IMMP2L: variants seen among roughly 807,000 people sequenced by gnomAD.
IMMP2L encodes the protein mitochondrial inner membrane protease subunit 2.
A neutral mutation model predicts 19.3 loss-of-function variants in IMMP2L; 18 were observed. The ratio of observed to expected loss-of-function variants is 0.93; its 90% confidence interval spans 0.64 to 1.38. IMMP2L has a LOEUF of 1.38. IMMP2L is among the 40% of genes most tolerant of loss of function. IMMP2L has a pLI of 0.00. For synonymous variants in IMMP2L, 76 were observed against 73.0 expected (o/e 1.04, Z -0.21); for missense variants, 233 against 218.2 (o/e 1.07, Z -0.43).
rs193113700 is a variant in IMMP2L at position 110,888,803 on chromosome 7, G to T, written c.306-2108C>A. ...TTGATATACATTTATGGGTTTGTTT[G>T]TTTATTTTTTATGTCCCTCCACTAG... On this transcript the variant is annotated intron_variant, in intron 4 of 5. Coordinates refer to ENST00000405709, the MANE Select transcript of IMMP2L (RefSeq NM_032549.4). Among the ~76,000 whole-genome samples, 357 of 152,096 alleles carry T rather than the reference G, an allele frequency of 2.3e-3. 1 individual carries two copies. The highest frequency in any genetic ancestry group is 8.4e-3 in the African/African-American group (347 of 41,514).
intron 3 of IMMP2L, among the ~76,000 whole-genome samples, chr7:110,997,585 T>C (rs1823178775): frequency 1.3e-5 from 2 of 152,142 alleles, no homozygotes; most frequent in Admixed American, 1.3e-4. Flanking sequence ...ATCTCATTGT[T>C]TTTAATTTGC....
chr7:110,832,373 A>T (rs1341035296), intron 5 of IMMP2L, among the ~76,000 whole-genome samples: 1 of 152,170 alleles, frequency 6.6e-6, no homozygotes, highest in Non-Finnish European at 1.5e-5. Flanking sequence ...GCTAAATAAC[A>T]TCTTAGCAAA....
At chr7:111,464,693 T>G (rs1385422749) in intron 3 of IMMP2L, among the ~76,000 whole-genome samples, 1 of 152,198 alleles carries the variant, frequency 6.6e-6, no homozygotes, top group Non-Finnish European at 1.5e-5. Context: ...ACCTACACAT[T>G]AAGTCACTCT....
rs190260132 is a variant in IMMP2L at position 111,191,038 on chromosome 7, C to A, written c.240-227473G>T. ...AGGAAAGAACTGACCACTGCAGTGG[C>A]AGATAAGAAGGCATCAAAGAGATAG... On this transcript the variant is annotated intron_variant, in intron 3 of 5. Coordinates refer to ENST00000405709, the MANE Select transcript of IMMP2L (RefSeq NM_032549.4). Among the ~76,000 whole-genome samples the A allele has an allele frequency of 1.4e-4, 22 of 152,156 alleles. No homozygotes were observed. In the East Asian group the frequency reaches 3.9e-3, roughly 27 times the overall value.
chr7:110,741,207 T>C (rs1399051852), intron 5 of IMMP2L, among the ~76,000 whole-genome samples: 1 of 152,196 alleles, frequency 6.6e-6, no homozygotes, highest in Non-Finnish European at 1.5e-5. Flanking sequence ...TTTGAAACTA[T>C]TATTCTAAGT....
intron 5 of IMMP2L, among the ~76,000 whole-genome samples, chr7:110,843,499 A>G (rs1243047189): frequency 1.3e-5 from 2 of 152,122 alleles, no homozygotes; most frequent in Non-Finnish European, 2.9e-5. Flanking sequence ...ATCCAAAGGT[A>G]TTTGGATAAA....
chr7:111,117,562 T>A (rs2129586245), intron 3 of IMMP2L, among the ~76,000 whole-genome samples: 1 of 152,216 alleles, frequency 6.6e-6, no homozygotes, highest in Non-Finnish European at 1.5e-5. Context: ...AAATAATTTG[T>A]TTTGAAAAAC....
At chr7:111,374,594 C>T (rs1830521243) in intron 3 of IMMP2L, among the ~76,000 whole-genome samples, 1 of 152,052 alleles carries the variant, frequency 6.6e-6, no homozygotes, top group Admixed American at 6.6e-5. Context: ...GCATTTTTCA[C>T]AGTATAAAGG....
chr7:110,850,165 T>C (rs1806057796), intron 5 of IMMP2L, among the ~76,000 whole-genome samples: 1 of 151,988 alleles, frequency 6.6e-6, no homozygotes, highest in African/African-American at 2.4e-5. Context: ...ATATCAGCAA[T>C]TAGGGTAGGA....
chr7:111,154,554 G>C (rs1207992120), intron 3 of IMMP2L, among the ~76,000 whole-genome samples: 1 of 152,056 alleles, frequency 6.6e-6, no homozygotes, highest in Non-Finnish European at 1.5e-5. Context: ...AAAGAAAATA[G>C]TGACGGAAAA....
intron 3 of IMMP2L, among the ~76,000 whole-genome samples, chr7:111,330,681 C>A (rs1335496626): frequency 6.6e-6 from 1 of 151,772 alleles, no homozygotes; most frequent in Non-Finnish European, 1.5e-5. Flanking sequence ...TCATATCCAA[C>A]AAGAGGTTAG....
intron 3 of IMMP2L, among the ~76,000 whole-genome samples, chr7:111,345,325 C>T (rs1038734498): frequency 9.9e-5 from 15 of 152,024 alleles, no homozygotes; most frequent in African/African-American, 3.4e-4. Flanking sequence ...TTCATTTCCT[C>T]TTGGTCACCT....
At chr7:111,256,672 A>C (rs904980843) in intron 3 of IMMP2L, among the ~76,000 whole-genome samples, 5 of 152,030 alleles carry the variant, frequency 3.3e-5, no homozygotes, top group African/African-American at 7.2e-5. Flanking sequence ...AATCGAGTAA[A>C]AGGGTTTTTC....
intron 3 of IMMP2L, among the ~76,000 whole-genome samples, chr7:111,158,093 C>G (rs1804843459): frequency 6.6e-6 from 1 of 151,864 alleles, no homozygotes; most frequent in Non-Finnish European, 1.5e-5. Context: ...GAGCTAGAAA[C>G]TCTCATCCCA....
chr7:110,918,496 C>T (rs1427937155), intron 4 of IMMP2L, among the ~76,000 whole-genome samples: 1 of 140,616 alleles, frequency 7.1e-6, no homozygotes, highest in African/African-American at 2.8e-5. Flanking sequence ...ACTCTTGTTG[C>T]CCAGGGTGGA....
chr7:110,874,900 C>G (rs1386959492), intron 5 of IMMP2L, among the ~76,000 whole-genome samples: 1 of 151,988 alleles, frequency 6.6e-6, no homozygotes, highest in Non-Finnish European at 1.5e-5. Context: ...ACTGCATCCT[C>G]TAGAGGAGAA....
rs559540585 is a variant in IMMP2L, at chr7:110,939,593, C to T, written c.305+23907G>A. On this transcript the variant is annotated intron_variant, in intron 4 of 5. Transcript: ENST00000405709. ...GAAGCTCCCCTTCCTGAACCTTCATCCCTAGGAAGGTAAGCCAAATGACTT... is the reference window on the plus strand; with the variant it reads ...GAAGCTCCCCTTCCTGAACCTTCATTCCTAGGAAGGTAAGCCAAATGACTT... 3.3e-5 allele frequency among the ~76,000 whole-genome samples: 5 copies of T among 152,238 alleles called. No individual in the cohort carries two copies. In the East Asian group the frequency reaches 9.7e-4, roughly 29 times the overall value.
chr7:110,790,789 GTTCCAAAA>G (rs1800411446), intron 5 of IMMP2L, among the ~76,000 whole-genome samples: 1 of 151,736 alleles, frequency 6.6e-6, no homozygotes, highest in South Asian at 2.1e-4. Context: ...TCAAACTAAA[GTTCCAAAA>G]TTCAGTGAGT....
At chr7:111,094,038 T>C (rs1797144004) in intron 3 of IMMP2L, among the ~76,000 whole-genome samples, 1 of 152,150 alleles carries the variant, frequency 6.6e-6, no homozygotes, top group South Asian at 2.1e-4. Flanking sequence ...GGTGATCAAC[T>C]TATGATGCAC....
Sources: allele counts gnomAD v4.1 joint callset (sites outside exome capture counted in the v4.1 genomes callset), GRCh38; gene constraint gnomAD v4.1.1; transcripts MANE v1.5; gene names NCBI Gene and HGNC (gene_info 2026-07-23, HGNC 2026-07-21).